KIF27: variants seen among roughly 807,000 people sequenced by gnomAD.
KIF27 encodes the protein kinesin-like protein KIF27.
KIF27 carries 84 observed loss-of-function variants against 141.8 expected under a neutral mutation model. The observed-to-expected ratio is 0.59, with a 90% CI of 0.50 to 0.71. The LOEUF is 0.71. Among genes scored for constraint, KIF27 ranks in the 30% least tolerant of loss-of-function variants. The pLI is 0.00. For missense variants in KIF27, 1,306 were observed against 1,628.4 expected (o/e 0.80, Z 3.41); for synonymous variants, 471 against 569.5 (o/e 0.83, Z 2.46).
intron 16 of KIF27, among the ~76,000 whole-genome samples, chr9:83,848,210 T>TC (rs1483826402): frequency 3.9e-5 from 2 of 50,854 alleles, no homozygotes; most frequent in South Asian, 5.6e-4. Context: ...TCAGATATGA[T>TC]ATATATGATA....
intron 9 of KIF27, among the ~76,000 whole-genome samples, chr9:83,886,611 C>T (rs1952128100): frequency 1.3e-5 from 2 of 152,060 alleles, no homozygotes; most frequent in African/African-American, 2.4e-5. Context: ...CTGACGCATA[C>T]TGGGCATGGT....
chr9:83,875,683 T>A (rs1451258542), intron 11 of KIF27, among the ~76,000 whole-genome samples: 1 of 151,896 alleles, frequency 6.6e-6, no homozygotes, highest in African/African-American at 2.4e-5. Flanking sequence ...AAGGAAGGTA[T>A]AACGTCACAA....
At chr9:83,901,488 C>T (rs1208625348) in intron 4 of KIF27, among the ~76,000 whole-genome samples, 1 of 152,184 alleles carries the variant, frequency 6.6e-6, no homozygotes, top group Non-Finnish European at 1.5e-5. Context: ...AAACTGAATA[C>T]TGAAGCAGAT....
At chr9:83,864,026 C>T (rs1950159822) in intron 13 of KIF27, among the ~76,000 whole-genome samples, 1 of 151,966 alleles carries the variant, frequency 6.6e-6, no homozygotes, top group African/African-American at 2.4e-5. Flanking sequence ...GGTGATATCC[C>T]CTTTATCATT....
chr9:83,915,158 G>T (rs909981187), intron 2 of KIF27, 136 bp downstream of exon 2: 1 of 623,806 alleles, frequency 1.6e-6, no homozygotes, highest in Non-Finnish European at 2.6e-6. Context: ...ATGATCTTAT[G>T]ATCACATTTG....
intron 14 of KIF27, among the ~76,000 whole-genome samples, chr9:83,855,475 A>G (rs1041756759): frequency 3.3e-5 from 5 of 152,184 alleles, no homozygotes; most frequent in Non-Finnish European, 7.4e-5. Context: ...CCTTTTCAAG[A>G]AAAAAACCCC....
chr9:83,859,098 G>A, intron 14 of KIF27, 58 bp downstream of exon 14: 2 of 1,125,044 alleles, frequency 1.8e-6, no homozygotes, highest in East Asian at 4.7e-5. Flanking sequence ...AAAGACTGAG[G>A]AAATCACTCA....
chr9:83,910,832 G>C (rs1230963827), intron 2 of KIF27, among the ~76,000 whole-genome samples: 5 of 152,124 alleles, frequency 3.3e-5, no homozygotes, highest in Non-Finnish European at 1.5e-5. Flanking sequence ...ATAGGCGTAG[G>C]AGGGACTCAA....
intron 9 of KIF27, among the ~76,000 whole-genome samples, chr9:83,884,677 A>T (rs909496646): frequency 2.0e-5 from 3 of 152,210 alleles, no homozygotes; most frequent in African/African-American, 7.2e-5. Context: ...AAAAGTCATT[A>T]TCACACTAAC....
At chr9:83,888,857 C>T (rs1481285526) in intron 7 of KIF27, among the ~76,000 whole-genome samples, 6 of 145,526 alleles carry the variant, frequency 4.1e-5, no homozygotes, top group Non-Finnish European at 9.0e-5. Flanking sequence ...ATTAGAATCT[C>T]ATTACTATAA....
chr9:83,857,276 A>G (rs1949336377), intron 14 of KIF27, among the ~76,000 whole-genome samples: 2 of 152,222 alleles, frequency 1.3e-5, no homozygotes, highest in African/African-American at 4.8e-5. Context: ...TTCCAACTAG[A>G]TTTTATTGAT....
At position 83,848,322 on chromosome 9, in the gene KIF27, T is replaced by TG. The variant is rs1391957440; in HGVS notation, c.3556+1776_3556+1777insC. On this transcript the variant is annotated intron_variant, in intron 16 of 17. Coordinates refer to ENST00000297814, the MANE Select transcript of KIF27 (RefSeq NM_017576.4). ...TATGATATATATGATATATCATATATCTATATATCTATATATATCTATGTA... is the reference window on the plus strand; with the variant it reads ...TATGATATATATGATATATCATATATGCTATATATCTATATATATCTATGTA... Among the ~76,000 whole-genome samples, 57 of 96,300 alleles carry TG rather than the reference T, an allele frequency of 5.9e-4. 7 individuals carry two copies. The East Asian group carries it at 6.0e-3, about 10-fold the overall frequency. 63.2% of individuals were successfully genotyped at this position (96,300 alleles called of 152,430 possible). A position where few individuals can be genotyped will look rare whatever the true frequency, so the allele number is the denominator to read the frequency against.
chr9:83,889,169 C>G lies in KIF27; in HGVS notation c.1894G>C (p.Glu632Gln). ...CAGTGGAGGACCTTATCTTGTTCTT[C>G]TATGTGACCCAACAGCATCTGACTT... The part of the protein sequence containing the change: ...TRSQMLLGHI[E>Q]EQDKVLHCQF... Residue 632 changes from glutamate to glutamine, a missense_variant, in exon 7 of 18, where the codon GAA (glutamate) becomes CAA (glutamine). By Grantham distance (29) the Glu-to-Gln change is conservative. Coordinates refer to ENST00000297814, the MANE Select transcript of KIF27 (RefSeq NM_017576.4). 3.7e-6 allele frequency: 6 copies of G among 1,613,950 alleles called. No homozygotes were observed. The highest frequency in any genetic ancestry group is 5.1e-6 in the Non-Finnish European group (6 of 1,179,910).
intron 3 of KIF27, among the ~76,000 whole-genome samples, chr9:83,906,057 T>C (rs1954490195): frequency 6.6e-6 from 1 of 152,240 alleles, no homozygotes; most frequent in South Asian, 2.1e-4. Context: ...TCTATCCTGC[T>C]TGATATTTTA....
chr9:83,858,847 A>G (rs1317315876), intron 14 of KIF27: 4 of 351,306 alleles, frequency 1.1e-5, no homozygotes, highest in African/African-American at 8.3e-5. Context: ...ATCATTTTCT[A>G]TGTTCTGTGA....
At chr9:83,851,538 C>T (rs1056894468) in intron 15 of KIF27, among the ~76,000 whole-genome samples, 12 of 152,106 alleles carry the variant, frequency 7.9e-5, no homozygotes, top group African/African-American at 2.4e-4. Flanking sequence ...AAAATATTTT[C>T]GTAGAGACGG....
intron 1 of KIF27, among the ~76,000 whole-genome samples, chr9:83,919,756 ATGGTGGCG>A (rs1034849720): frequency 2.0e-5 from 3 of 149,292 alleles, no homozygotes; most frequent in Non-Finnish European, 4.4e-5. Flanking sequence ...TTAGGCAGGC[ATGGTGGCG>A]TGCGCCTGTA....
chr9:83,850,213 C>T lies in KIF27; in HGVS notation c.3442G>A (p.Val1148Ile), dbSNP rs1948384892. ...TCCAGTGCAGATTCTAATTCACGAA[C>T]CATATTATCCCGTTCCAGAACTTTC... ...KMKVLERDNMVRELESALDHL... is the reference protein window; with the variant it reads ...KMKVLERDNMIRELESALDHL... The change falls in exon 16 of 18, where the codon GTT (valine) becomes ATT (isoleucine). Residue 1148 changes from valine to isoleucine, a missense_variant. By Grantham distance (29) the Val-to-Ile change is conservative. Coordinates refer to ENST00000297814, the MANE Select transcript of KIF27 (RefSeq NM_017576.4). 2 of 1,612,674 alleles carry T rather than the reference C, an allele frequency of 1.2e-6. No individual in the cohort carries two copies. The highest frequency in any genetic ancestry group is 2.7e-5 in the African/African-American group (2 of 75,016).
At chr9:83,861,193 A>ATATAT (rs1161990267) in intron 13 of KIF27, among the ~76,000 whole-genome samples, 5 of 151,760 alleles carry the variant, frequency 3.3e-5, no homozygotes, top group African/African-American at 1.2e-4. Context: ...ATATATATAT[A>ATATAT]TATAACTTTA....
Sources: gnomAD v4.1 joint callset for allele counts (sites outside exome capture counted in the v4.1 genomes callset) on GRCh38, gnomAD v4.1.1 for gene constraint, MANE v1.5 for transcripts, NCBI Gene and HGNC (gene_info 2026-07-23, HGNC 2026-07-21) for gene names.